NRG3: variants seen among roughly 807,000 people sequenced by gnomAD.
NRG3 encodes the protein pro-neuregulin-3, membrane-bound isoform.
Under a neutral mutation model 66.9 loss-of-function variants are expected in NRG3, and 31 were observed. That is an observed-to-expected ratio of 0.46 (90% confidence interval 0.35 to 0.63). The LOEUF (loss-of-function observed/expected upper bound fraction) is 0.63. Ranked by LOEUF, NRG3 falls within the 20% of genes least tolerant of loss-of-function variation. NRG3 has a pLI of 0.00. For missense variants in NRG3, 910 were observed against 878.9 expected, an observed-to-expected ratio of 1.04 and a Z score of -0.45; for synonymous variants, 393 against 359.4, an observed-to-expected ratio of 1.09 and a Z score of -1.06.
chr10:82,072,793 G>T lies in NRG3; in HGVS notation c.823+196630G>T, dbSNP rs188321497. Among the ~76,000 whole-genome samples, 30 of 151,706 alleles carry T rather than the reference G, an allele frequency of 2.0e-4. No individual in the cohort carries two copies. In the East Asian group the frequency reaches 2.5e-3, roughly 13 times the overall value. Reference sequence around the variant, plus strand: ...TTATTATTATTTTTTAAGAGACAGGGTCTTGCTCCATGGCCCAAGCTGGAG... The same window carrying T: ...TTATTATTATTTTTTAAGAGACAGGTTCTTGCTCCATGGCCCAAGCTGGAG... On this transcript the variant is annotated intron_variant, in intron 1 of 8. Coordinates refer to ENST00000372141, the MANE Select transcript of NRG3 (RefSeq NM_001010848.4).
At chr10:82,311,132 A>T (rs893565229) in intron 1 of NRG3, among the ~76,000 whole-genome samples, 1 of 144,202 alleles carries the variant, frequency 6.9e-6, no homozygotes, top group Non-Finnish European at 1.5e-5. Flanking sequence ...GAGCCAAATG[A>T]GAGTGACAGT....
chr10:82,256,192 G>T (rs918025022), intron 1 of NRG3, among the ~76,000 whole-genome samples: 4 of 152,180 alleles, frequency 2.6e-5, no homozygotes, highest in African/African-American at 9.7e-5. Context: ...AAAGTGCTGG[G>T]ATTACAGGCG....
At chr10:82,435,104 T>C (rs2090052932) in intron 2 of NRG3, among the ~76,000 whole-genome samples, 1 of 152,206 alleles carries the variant, frequency 6.6e-6, no homozygotes. Context: ...GGCTATTCAT[T>C]ACTGCCTCTG....
chr10:82,069,249 G>A (rs1270866795), intron 1 of NRG3, among the ~76,000 whole-genome samples: 1 of 152,212 alleles, frequency 6.6e-6, no homozygotes, highest in African/African-American at 2.4e-5. Flanking sequence ...TTCACCTAAC[G>A]TTGGCAAAAC....
chr10:82,290,704 G>A (rs1316669707), intron 1 of NRG3, among the ~76,000 whole-genome samples: 1 of 151,286 alleles, frequency 6.6e-6, no homozygotes, highest in Non-Finnish European at 1.5e-5. Flanking sequence ...GCGCGATCTC[G>A]GCTCACTGCA....
intron 4 of NRG3, among the ~76,000 whole-genome samples, chr10:82,944,065 G>A (rs10749149): frequency 0.37 from 55,499 of 151,960 alleles, 10,605 homozygotes; most frequent in East Asian, 0.66. Flanking sequence ...GCTGGTTCTC[G>A]CATAATACCC....
At chr10:82,455,542 G>T (rs1340726309) in intron 2 of NRG3, among the ~76,000 whole-genome samples, 2 of 152,000 alleles carry the variant, frequency 1.3e-5, no homozygotes, top group Non-Finnish European at 2.9e-5. Context: ...TGAGTGATGA[G>T]TGAATGTGAA....
chr10:82,205,578 A>C (rs1312469662), intron 1 of NRG3, among the ~76,000 whole-genome samples: 1 of 152,192 alleles, frequency 6.6e-6, no homozygotes, highest in African/African-American at 2.4e-5. Context: ...GGACAGAAGT[A>C]CCAAATTCAG....
intron 2 of NRG3, among the ~76,000 whole-genome samples, chr10:82,398,282 AAGAG>A (rs1589982254): frequency 6.6e-6 from 1 of 152,142 alleles, no homozygotes; most frequent in African/African-American, 2.4e-5. Flanking sequence ...CAGCAAGAGA[AAGAG>A]AGAGGTTTTG....
chr10:82,406,254 A>G (rs181348200), intron 2 of NRG3, among the ~76,000 whole-genome samples: 3 of 152,302 alleles, frequency 2.0e-5, no homozygotes, highest in Admixed American at 2.0e-4. Context: ...CATCTTTTCC[A>G]TTGTTCGTGG....
chr10:82,943,815 G>C (rs1265124512), intron 4 of NRG3, among the ~76,000 whole-genome samples: 1 of 151,934 alleles, frequency 6.6e-6, no homozygotes, highest in Non-Finnish European at 1.5e-5. Context: ...CACACAGGGG[G>C]GAAAAATTTT....
At chr10:82,985,059 G>T in intron 8 of NRG3, 39 bp from the exon 9 acceptor site, 1 of 1,595,068 alleles carries the variant, frequency 6.3e-7, no homozygotes, top group Non-Finnish European at 8.5e-7. Context: ...ACAAAGCCTG[G>T]TAGAAAGCAG....
chr10:82,004,381 CAA>C (rs1175388574), intron 1 of NRG3, among the ~76,000 whole-genome samples: 1 of 152,084 alleles, frequency 6.6e-6, no homozygotes, highest in Non-Finnish European at 1.5e-5. Context: ...ACTGATGACA[CAA>C]GAGAGTGGGA....
chr10:82,348,767 C>A (rs2083206364), intron 1 of NRG3, among the ~76,000 whole-genome samples: 2 of 151,584 alleles, frequency 1.3e-5, no homozygotes, highest in South Asian at 4.2e-4. Flanking sequence ...TTGCTCATTT[C>A]TTTTTATTCT....
intron 2 of NRG3, among the ~76,000 whole-genome samples, chr10:82,385,207 G>A (rs1025834523): frequency 1.3e-5 from 2 of 151,968 alleles, no homozygotes; most frequent in Middle Eastern, 3.2e-3. Context: ...GATATTGTAC[G>A]TTAGATCTTT....
At chr10:82,705,233 G>A (rs549025839) in intron 2 of NRG3, among the ~76,000 whole-genome samples, 3 of 152,274 alleles carry the variant, frequency 2.0e-5, no homozygotes, top group South Asian at 2.1e-4. Flanking sequence ...AAATGTCAGC[G>A]ACACACAAAT....
intron 5 of NRG3, among the ~76,000 whole-genome samples, chr10:82,952,469 CTCTGTGTGTGTGTG>C (rs1486269776): frequency 2.8e-5 from 1 of 35,416 alleles, no homozygotes; most frequent in Non-Finnish European, 5.6e-5. Context: ...CTCTCTCTCT[CTCTGTGTGTGTGTG>C]TGTGTGTGTG....
chr10:81,934,864 C>G (rs1044273173), intron 1 of NRG3, among the ~76,000 whole-genome samples: 6 of 152,138 alleles, frequency 3.9e-5, no homozygotes, highest in Non-Finnish European at 8.8e-5. Flanking sequence ...TTTGTATCAT[C>G]TTCAGTAGCC....
intron 4 of NRG3, 151 bp from the exon 5 acceptor site, chr10:82,951,318 T>G: frequency 1.7e-6 from 1 of 589,032 alleles, no homozygotes; most frequent in Non-Finnish European, 3.0e-6. Context: ...AGTAATTGAA[T>G]CATAATAAGT....
Sources: gnomAD v4.1 joint callset for allele counts (sites outside exome capture counted in the v4.1 genomes callset) on GRCh38, gnomAD v4.1.1 for gene constraint, MANE v1.5 for transcripts, NCBI Gene and HGNC (gene_info 2026-07-23, HGNC 2026-07-21) for gene names.